AMPH: variants seen among roughly 807,000 people sequenced by gnomAD.
AMPH encodes the protein amphiphysin (Stiff-Mann syndrome with breast cancer 128kD autoantigen).
AMPH carries 49 observed loss-of-function variants against 99.1 expected under a neutral mutation model. That is an observed-to-expected ratio of 0.49 (90% confidence interval 0.39 to 0.63). AMPH has a LOEUF of 0.63. AMPH is among the 20% of genes least tolerant of loss of function. The pLI, the probability that AMPH is intolerant of heterozygous loss-of-function variation, is 0.00. For missense variants in AMPH, 759 were observed against 863.4 expected (o/e 0.88, Z 1.52); for synonymous variants, 314 against 317.3 (o/e 0.99, Z 0.11).
At chr7:38,398,090 C>A in intron 17 of AMPH, among the ~76,000 whole-genome samples, 1 of 132,060 alleles carries the variant, frequency 7.6e-6, no homozygotes, top group African/African-American at 2.9e-5. Context: ...TTATGGTGAA[C>A]AGTTTGGAGG....
intron 13 of AMPH, among the ~76,000 whole-genome samples, chr7:38,430,564 C>A (rs955892987): frequency 1.3e-5 from 2 of 152,196 alleles, no homozygotes; most frequent in African/African-American, 4.8e-5. Context: ...CCTCTCCATA[C>A]CCTCCCAGCG....
Position 38,494,831 on chromosome 7 carries a change from T to A in AMPH, c.206-304A>T, listed in dbSNP as rs1296485883. Among the ~76,000 whole-genome samples, 6 of 152,214 alleles carry A rather than the reference T, an allele frequency of 3.9e-5. No homozygotes were observed. The East Asian group carries it at 1.2e-3, about 29-fold the overall frequency. On this transcript the variant is annotated intron_variant, in intron 3 of 20. Coordinates refer to ENST00000356264, the MANE Select transcript of AMPH (RefSeq NM_001635.4). Reference sequence around the variant, plus strand: ...ATAGTGTGTCCTATTACGTGTGCTATCACTTGCCAAGTGGTATCAGATGCT... The same window carrying A: ...ATAGTGTGTCCTATTACGTGTGCTAACACTTGCCAAGTGGTATCAGATGCT...
intron 11 of AMPH, among the ~76,000 whole-genome samples, chr7:38,459,125 A>G (rs371857364): frequency 2.0e-5 from 3 of 152,288 alleles, no homozygotes; most frequent in Middle Eastern, 3.4e-3. Context: ...AATACCATTT[A>G]CAACAGCTAC....
chr7:38,543,436 T>C (rs1247597759), intron 1 of AMPH, among the ~76,000 whole-genome samples: 3 of 152,270 alleles, frequency 2.0e-5, no homozygotes, highest in Admixed American at 6.5e-5. Flanking sequence ...AGCAGATAGA[T>C]AGAATATGTT....
intron 1 of AMPH, among the ~76,000 whole-genome samples, chr7:38,593,328 A>G (rs777622671): frequency 2.0e-5 from 3 of 152,236 alleles, no homozygotes; most frequent in Non-Finnish European, 4.4e-5. Context: ...TTCAAAAACA[A>G]TAAGATAAAG....
chr7:38,564,224 T>C (rs753232688), intron 1 of AMPH, among the ~76,000 whole-genome samples: 9 of 152,156 alleles, frequency 5.9e-5, no homozygotes, highest in Non-Finnish European at 1.2e-4. Flanking sequence ...AGATGATGGG[T>C]CTGGGGCTCC....
At chr7:38,408,379 A>T (rs1033812193) in intron 17 of AMPH, among the ~76,000 whole-genome samples, 2 of 152,240 alleles carry the variant, frequency 1.3e-5, no homozygotes, top group Non-Finnish European at 2.9e-5. Flanking sequence ...TCTGGGCATC[A>T]AAGCAAACAT....
At chr7:38,519,614 A>G (rs1789876947) in intron 2 of AMPH, among the ~76,000 whole-genome samples, 1 of 152,232 alleles carries the variant, frequency 6.6e-6, no homozygotes, top group East Asian at 1.9e-4. Context: ...AAATGCATGT[A>G]AAATTCTTAG....
At chr7:38,473,432 C>T (rs1313241490) in intron 7 of AMPH, among the ~76,000 whole-genome samples, 3 of 129,370 alleles carry the variant, frequency 2.3e-5, no homozygotes, top group Non-Finnish European at 3.2e-5. Context: ...AGGCCGGGCG[C>T]GGTGGCTCAC....
intron 2 of AMPH, among the ~76,000 whole-genome samples, chr7:38,530,013 T>C (rs1049633179): frequency 3.9e-5 from 6 of 152,192 alleles, no homozygotes; most frequent in African/African-American, 1.4e-4. Context: ...TTCTTAAAAA[T>C]GTCACGAAAC....
intron 1 of AMPH, among the ~76,000 whole-genome samples, chr7:38,588,343 C>T (rs189543544): frequency 3.9e-5 from 6 of 152,246 alleles, no homozygotes; most frequent in Non-Finnish European, 8.8e-5. Context: ...AGTTCTGCAT[C>T]GCTCTCTCAA....
rs1239288271 is a variant in AMPH, at chr7:38,416,103, AT to A, written c.1398+1721del. ...GTTTAAACAATGATCAAACATATGA[AT>A]ATATATATATATATATATATATTAG... On this transcript the variant is annotated intron_variant, in intron 17 of 20. Coordinates refer to ENST00000356264, the MANE Select transcript of AMPH (RefSeq NM_001635.4). Among the ~76,000 whole-genome samples, 5 of 18,780 alleles carry A rather than the reference AT, an allele frequency of 2.7e-4. No homozygotes were observed. The East Asian group carries it at 0.018, about 66-fold the overall frequency. The allele number at this position is 18,780 out of a possible 152,430, so 12.3% of individuals were successfully genotyped here.
intron 5 of AMPH, among the ~76,000 whole-genome samples, chr7:38,484,999 T>C (rs560224666): frequency 6.6e-6 from 1 of 150,774 alleles, no homozygotes; most frequent in African/African-American, 2.4e-5. Context: ...AACAAAAAAA[T>C]CAAAGCATAT....
chr7:38,584,629 C>T (rs973210908), intron 1 of AMPH, among the ~76,000 whole-genome samples: 11 of 152,130 alleles, frequency 7.2e-5, no homozygotes, highest in East Asian at 1.9e-4. Context: ...TCATGAATCA[C>T]GTCATGTGGC....
chr7:38,623,154 T>C (rs1425036374), intron 1 of AMPH, among the ~76,000 whole-genome samples: 3 of 152,150 alleles, frequency 2.0e-5, no homozygotes, highest in Non-Finnish European at 2.9e-5. Context: ...GGAGAAATCA[T>C]TTAATTCGAA....
chr7:38,467,866 A>G (rs1787725374), intron 7 of AMPH, among the ~76,000 whole-genome samples: 1 of 152,182 alleles, frequency 6.6e-6, no homozygotes, highest in African/African-American at 2.4e-5. Flanking sequence ...ACATCTGCTT[A>G]AGAGGACAAA....
intron 9 of AMPH, among the ~76,000 whole-genome samples, chr7:38,464,675 T>C (rs1364321373): frequency 6.6e-6 from 1 of 151,936 alleles, no homozygotes; most frequent in Non-Finnish European, 1.5e-5. Context: ...TTCTATTGAA[T>C]TAAAAAAAAT....
intron 1 of AMPH, among the ~76,000 whole-genome samples, chr7:38,583,804 C>T (rs1297383436): frequency 1.3e-5 from 2 of 152,196 alleles, no homozygotes; most frequent in African/African-American, 4.8e-5. Context: ...GTGAGGGGGG[C>T]CAGAAGCCCC....
intron 3 of AMPH, among the ~76,000 whole-genome samples, chr7:38,503,377 A>T (rs9639798): frequency 0.11 from 16,046 of 152,054 alleles, 1,236 homozygotes; most frequent in East Asian, 0.28. Context: ...AGCTCACTCT[A>T]AGAAATTTTC....
Sources: gnomAD v4.1 joint callset for allele counts (sites outside exome capture counted in the v4.1 genomes callset) on GRCh38, gnomAD v4.1.1 for gene constraint, MANE v1.5 for transcripts, NCBI Gene and HGNC (gene_info 2026-07-23, HGNC 2026-07-21) for gene names.